Variants in APPBP2 observed in about 807,000 individuals in gnomAD.
The protein encoded by APPBP2 is amyloid protein-binding protein 2.
Under a neutral mutation model 76.0 loss-of-function variants are expected in APPBP2, and 15 were observed. The ratio of observed to expected loss-of-function variants is 0.20; its 90% CI spans 0.13 to 0.30. The LOEUF (loss-of-function observed/expected upper bound fraction) is 0.30, where lower values mean the gene tolerates loss of function less well. Ranked by LOEUF, APPBP2 falls within the 10% of genes least tolerant of loss-of-function variation. APPBP2 has a pLI of 1.00. For missense variants in APPBP2, 401 were observed against 687.2 expected, an observed-to-expected ratio of 0.58 and a Z score of 4.66; for synonymous variants, 222 against 242.2, an observed-to-expected ratio of 0.92 and a Z score of 0.77.
chr17:60,515,983 G>A (rs1369440531), intron 1 of APPBP2, among the ~76,000 whole-genome samples: 2 of 152,166 alleles, frequency 1.3e-5, no homozygotes, highest in Non-Finnish European at 2.9e-5. Flanking sequence ...TGGCCAACAT[G>A]GTGAAAACCC....
intron 3 of APPBP2, among the ~76,000 whole-genome samples, chr17:60,479,685 A>G (rs2090615389): frequency 6.6e-6 from 1 of 152,262 alleles, no homozygotes; most frequent in Admixed American, 6.5e-5. Context: ...AGATAAAAAA[A>G]GACTGTGATC....
At chr17:60,465,430 T>C (rs1358807154) in intron 5 of APPBP2, among the ~76,000 whole-genome samples, 4 of 152,224 alleles carry the variant, frequency 2.6e-5, no homozygotes, top group Non-Finnish European at 5.9e-5. Flanking sequence ...TACTTTTCTG[T>C]AGATATCAGT....
rs1051197449 is a variant in APPBP2 at position 60,447,484 on chromosome 17, A to G, written c.*97T>C. The G allele has an allele frequency of 8.4e-6, 12 of 1,426,970 alleles. No homozygotes were observed. The highest frequency in any genetic ancestry group is 2.7e-5 in the South Asian group (2 of 72,900). 88.4% of individuals were successfully genotyped at this position (1,426,970 alleles called of 1,614,324 possible). ...TTCAATGGACTGGACCAGTGTTTCAATGCAAATTCCAGCCCCCCAAAACAA... is the reference window on the plus strand; with the variant it reads ...TTCAATGGACTGGACCAGTGTTTCAGTGCAAATTCCAGCCCCCCAAAACAA... On this transcript the variant is annotated 3_prime_UTR_variant, in exon 13 of 13. Transcript: ENST00000083182.
At chr17:60,515,903 G>A (rs1388998410) in intron 1 of APPBP2, among the ~76,000 whole-genome samples, 3 of 152,178 alleles carry the variant, frequency 2.0e-5, no homozygotes, top group African/African-American at 7.2e-5. Flanking sequence ...GGTGGCTCAC[G>A]CCTGTAATCC....
At chr17:60,525,622 A>G (rs1191725993) in intron 1 of APPBP2, among the ~76,000 whole-genome samples, 172 bp downstream of exon 1, 1 of 152,164 alleles carries the variant, frequency 6.6e-6, no homozygotes, top group Non-Finnish European at 1.5e-5. Context: ...GAGACAGGGC[A>G]TAGGGAGATG....
chr17:60,479,132 A>T lies in APPBP2; in HGVS notation c.503+16T>A. ...TACTGTTATAGCACGTAATTACAGGATATGTTCCAACTTACCTCACACAAC... is the reference window on the plus strand; with the variant it reads ...TACTGTTATAGCACGTAATTACAGGTTATGTTCCAACTTACCTCACACAAC... On this transcript the variant is annotated intron_variant, in intron 4 of 12. Coordinates refer to ENST00000083182, the MANE Select transcript of APPBP2 (RefSeq NM_006380.5). The T allele has an allele frequency of 1.2e-6, 2 of 1,606,822 alleles. No homozygotes were observed. Among genetic ancestry groups the T allele is most frequent in the Non-Finnish European group, 1.7e-6 (2 of 1,178,026 alleles).
At chr17:60,519,647 A>G (rs989576613) in intron 1 of APPBP2, among the ~76,000 whole-genome samples, 21 of 152,166 alleles carry the variant, frequency 1.4e-4, no homozygotes, top group Admixed American at 5.9e-4. Context: ...TGGGAGACAG[A>G]AGGAGGACTT....
intron 2 of APPBP2, among the ~76,000 whole-genome samples, chr17:60,500,133 T>C (rs568896847): frequency 6.6e-6 from 1 of 151,880 alleles, no homozygotes; most frequent in African/African-American, 2.4e-5. Flanking sequence ...TGCCTCAGCC[T>C]CCCAAGTAGC....
At chr17:60,487,618 C>G (rs1055530418) in intron 3 of APPBP2, among the ~76,000 whole-genome samples, 3 of 152,172 alleles carry the variant, frequency 2.0e-5, no homozygotes, top group Non-Finnish European at 4.4e-5. Flanking sequence ...AGGTTTTTAG[C>G]TTCCTTGCGA....
At chr17:60,495,432 TTTATTTATTATTTA>T (rs542615596) in intron 2 of APPBP2, among the ~76,000 whole-genome samples, 1,511 of 128,924 alleles carry the variant, frequency 0.012, 26 homozygotes, top group African/African-American at 0.048. Flanking sequence ...AAATATTTTA[TTTATTTATTATTTA>T]TTTATTTATT....
chr17:60,503,314 G>A lies in APPBP2; in HGVS notation c.139-2827C>T, dbSNP rs1408191037. On this transcript the variant is annotated intron_variant, in intron 1 of 12. Coordinates refer to ENST00000083182, the MANE Select transcript of APPBP2 (RefSeq NM_006380.5). Reference sequence around the variant, plus strand: ...GCATGAGTTTCTCTAGTTAAAATGCGCTCACATTTAAATTGACGGGAAAGG... The same window carrying A: ...GCATGAGTTTCTCTAGTTAAAATGCACTCACATTTAAATTGACGGGAAAGG... Among the ~76,000 whole-genome samples the A allele has an allele frequency of 3.4e-5, 5 of 145,756 alleles. 1 individual carries two copies. Among genetic ancestry groups the A allele is most frequent in the East Asian group, 1.9e-4 (1 of 5,188 alleles).
intron 9 of APPBP2, among the ~76,000 whole-genome samples, chr17:60,457,835 A>C (rs1468685786): frequency 1.3e-5 from 2 of 152,204 alleles, no homozygotes; most frequent in Non-Finnish European, 2.9e-5. Context: ...TCACCCATTT[A>C]ATGTGTACAA....
At chr17:60,491,294 A>G (rs2090727059) in intron 3 of APPBP2, among the ~76,000 whole-genome samples, 1 of 152,222 alleles carries the variant, frequency 6.6e-6, no homozygotes, top group African/African-American at 2.4e-5. Flanking sequence ...TCCCTGCCTC[A>G]GAGATGTGTG....
intron 1 of APPBP2, among the ~76,000 whole-genome samples, chr17:60,522,011 T>C (rs954806786): frequency 2.6e-5 from 4 of 152,188 alleles, no homozygotes. Flanking sequence ...AGGTGTGTAG[T>C]AGACTATACC....
At chr17:60,492,581 C>A (rs1364658970) in intron 3 of APPBP2, among the ~76,000 whole-genome samples, 1 of 152,206 alleles carries the variant, frequency 6.6e-6, no homozygotes, top group African/African-American at 2.4e-5. Context: ...CAGAAAAGAT[C>A]ATTTTGGAGC....
intron 1 of APPBP2, among the ~76,000 whole-genome samples, chr17:60,503,496 T>G (rs1318384929): frequency 6.9e-6 from 1 of 145,058 alleles, no homozygotes; most frequent in Non-Finnish European, 1.5e-5. Flanking sequence ...AGTGATTCCC[T>G]TGCTTCAGCC....
At chr17:60,500,592 A>AT in intron 1 of APPBP2, 105 bp from the exon 2 acceptor site, 1 of 797,970 alleles carries the variant, frequency 1.3e-6, no homozygotes, top group Admixed American at 2.7e-5. Flanking sequence ...AAAGATGCTT[A>AT]TGTTAAGAGA....
intron 1 of APPBP2, among the ~76,000 whole-genome samples, chr17:60,523,364 G>T (rs1397598824): frequency 2.0e-5 from 3 of 151,996 alleles, no homozygotes; most frequent in Non-Finnish European, 4.4e-5. Flanking sequence ...GGCATGGGTG[G>T]CATACACCTG....
At chr17:60,487,499 T>C (rs1344945302) in intron 3 of APPBP2, among the ~76,000 whole-genome samples, 2 of 152,222 alleles carry the variant, frequency 1.3e-5, no homozygotes, top group Admixed American at 6.5e-5. Context: ...TACTGAAGCA[T>C]GTGCATGTGT....
Sources: allele counts gnomAD v4.1 joint callset (sites outside exome capture counted in the v4.1 genomes callset), GRCh38; gene constraint gnomAD v4.1.1; transcripts MANE v1.5; gene names NCBI Gene and HGNC (gene_info 2026-07-23, HGNC 2026-07-21).